DSCAM: variants seen among roughly 807,000 people sequenced by gnomAD.
DSCAM encodes cell adhesion molecule DSCAM.
Under a neutral mutation model 217.7 loss-of-function variants are expected in DSCAM, and 47 were observed. The ratio of observed to expected loss-of-function variants is 0.22; its 90% confidence interval spans 0.17 to 0.28. DSCAM has a LOEUF of 0.28. Among genes scored for constraint, DSCAM ranks in the 10% least tolerant of loss-of-function variants. The probability of loss-of-function intolerance (pLI) is 1.00; values close to 1 mark genes in which losing one functional copy is unlikely to be tolerated. For missense variants in DSCAM, 2,080 were observed against 2,618.3 expected, an observed-to-expected ratio of 0.79 and a Z score of 4.49; for synonymous variants, 1,056 against 1,015.3, an observed-to-expected ratio of 1.04 and a Z score of -0.76.
chr21:40,463,055 G>A (rs2145952270), intron 3 of DSCAM, among the ~76,000 whole-genome samples: 1 of 152,038 alleles, frequency 6.6e-6, no homozygotes, highest in South Asian at 2.1e-4. Context: ...GGAGTGCTAG[G>A]TTGAACCATC....
chr21:40,356,727 G>GA (rs1205221910), intron 4 of DSCAM, among the ~76,000 whole-genome samples: 6 of 152,274 alleles, frequency 3.9e-5, no homozygotes, highest in Admixed American at 6.5e-5. Context: ...GGTCCCTTGT[G>GA]AAACTGAAGC....
chr21:40,212,808 C>T (rs939699281), intron 11 of DSCAM, among the ~76,000 whole-genome samples: 1 of 152,156 alleles, frequency 6.6e-6, no homozygotes, highest in African/African-American at 2.4e-5. Flanking sequence ...TAGATAAGGT[C>T]ATCCTTCATT....
intron 3 of DSCAM, among the ~76,000 whole-genome samples, chr21:40,621,737 A>G (rs894403781): frequency 6.6e-6 from 1 of 151,990 alleles, no homozygotes; most frequent in African/African-American, 2.4e-5. Flanking sequence ...TCGTAAATTT[A>G]TTTAGAGGCC....
At chr21:40,501,889 G>A (rs1232869758) in intron 3 of DSCAM, among the ~76,000 whole-genome samples, 6 of 152,072 alleles carry the variant, frequency 3.9e-5, no homozygotes, top group Non-Finnish European at 7.4e-5. Flanking sequence ...CCACAGCGCC[G>A]GCTAATGGAT....
intron 1 of DSCAM, among the ~76,000 whole-genome samples, chr21:40,833,438 G>A (rs1264899512): frequency 1.3e-5 from 2 of 152,122 alleles, no homozygotes; most frequent in Non-Finnish European, 2.9e-5. Context: ...TCAGGCACAG[G>A]GCAACCAGGC....
chr21:40,410,283 C>A lies in DSCAM; in HGVS notation c.509-41038G>T, dbSNP rs1219090869. On this transcript the variant is annotated intron_variant, in intron 3 of 32. Transcript: ENST00000400454. ...AAGAAATCATCTGTGAACTCATAAA[C>A]AACAATAGAAACTACACAAAATGAA... is the stretch of plus-strand genomic sequence containing the variant. 4.0e-5 allele frequency among the ~76,000 whole-genome samples: 6 copies of A among 151,760 alleles called. 1 individual carries two copies. The South Asian group carries it at 1.3e-3, about 32-fold the overall frequency.
intron 9 of DSCAM, among the ~76,000 whole-genome samples, chr21:40,304,927 A>ACAT (rs1372142679): frequency 6.6e-6 from 1 of 152,182 alleles, no homozygotes; most frequent in East Asian, 1.9e-4. Context: ...ACCATAACAG[A>ACAT]CATAATAATA....
At chr21:40,292,072 T>A (rs1407456986) in intron 10 of DSCAM, among the ~76,000 whole-genome samples, 8 of 147,102 alleles carry the variant, frequency 5.4e-5, no homozygotes, top group Admixed American at 2.0e-4. Flanking sequence ...TTTTTTTTTT[T>A]AAATCTCTTT....
At chr21:40,449,850 T>C (rs2075704753) in intron 3 of DSCAM, among the ~76,000 whole-genome samples, 1 of 152,238 alleles carries the variant, frequency 6.6e-6, no homozygotes, top group South Asian at 2.1e-4. Context: ...ATTACATTAA[T>C]ATATTTGATT....
Position 40,085,594 on chromosome 21 carries a change from T to C in DSCAM, c.4132+8A>G, listed in dbSNP as rs750841804. ...GATATCATTAAAAAGAGTCCTCAAA[T>C]GTTGTACCTTGTACTTGTAAGTTTA... On this transcript the variant is annotated splice_region_variant and intron_variant, in intron 23 of 32. Coordinates refer to ENST00000400454, the MANE Select transcript of DSCAM (RefSeq NM_001389.5). 7 of 1,515,618 alleles carry C rather than the reference T, an allele frequency of 4.6e-6. No homozygotes were observed. In the East Asian group the frequency reaches 1.4e-4, roughly 30 times the overall value. The allele number at this position is 1,515,618 out of a possible 1,614,324, so 93.9% of individuals were successfully genotyped here. A position where few individuals can be genotyped will look rare whatever the true frequency, so the allele number is the denominator to read the frequency against.
At chr21:40,508,756 TATATATATATATATATATATATA>T (rs1568862884) in intron 3 of DSCAM, among the ~76,000 whole-genome samples, 947 of 42,428 alleles carry the variant, frequency 0.022, 113 homozygotes, top group Middle Eastern at 0.036. Context: ...TATATATATA[TATATATATATATATATATATATA>T]TATATTTTTT....
intron 11 of DSCAM, among the ~76,000 whole-genome samples, chr21:40,272,260 C>G (rs905559230): frequency 6.6e-6 from 1 of 152,090 alleles, no homozygotes; most frequent in African/African-American, 2.4e-5. Context: ...TTCTGCCAAG[C>G]CTCCTAATCG....
intron 1 of DSCAM, among the ~76,000 whole-genome samples, chr21:40,754,090 C>T (rs1460342850): frequency 6.6e-6 from 1 of 152,182 alleles, no homozygotes; most frequent in African/African-American, 2.4e-5. Flanking sequence ...GCCATCAGGC[C>T]AGAGCCTCTT....
intron 3 of DSCAM, among the ~76,000 whole-genome samples, chr21:40,692,045 T>C (rs962257660): frequency 5.9e-5 from 9 of 152,260 alleles, no homozygotes; most frequent in Non-Finnish European, 1.2e-4. Context: ...AAGGCAACTA[T>C]TTATAATCCA....
chr21:40,052,895 G>T (rs1237685963), intron 29 of DSCAM, among the ~76,000 whole-genome samples: 4 of 152,086 alleles, frequency 2.6e-5, no homozygotes, highest in African/African-American at 9.7e-5. Flanking sequence ...ATTATTTGGT[G>T]GGCCAGGATT....
At chr21:40,577,888 A>G (rs1355298082) in intron 3 of DSCAM, among the ~76,000 whole-genome samples, 1 of 152,160 alleles carries the variant, frequency 6.6e-6, no homozygotes, top group Non-Finnish European at 1.5e-5. Flanking sequence ...TCGCCACAGT[A>G]TCTTATCAGT....
intron 11 of DSCAM, among the ~76,000 whole-genome samples, chr21:40,227,860 A>G (rs1331012013): frequency 1.3e-5 from 2 of 152,200 alleles, no homozygotes; most frequent in Non-Finnish European, 2.9e-5. Flanking sequence ...CTAAGTGCAT[A>G]CATTGTTCAG....
chr21:40,524,803 G>C (rs1025213914), intron 3 of DSCAM, among the ~76,000 whole-genome samples: 4 of 152,002 alleles, frequency 2.6e-5, no homozygotes, highest in African/African-American at 9.7e-5. Flanking sequence ...GAGGTCAGGA[G>C]TTCAAGACAA....
intron 3 of DSCAM, among the ~76,000 whole-genome samples, chr21:40,521,401 C>T (rs919721632): frequency 1.3e-5 from 2 of 152,190 alleles, no homozygotes; most frequent in African/African-American, 4.8e-5. Context: ...CCTTTCTCCA[C>T]ATCCTCAGCA....
Sources: gnomAD v4.1 joint callset for allele counts (sites outside exome capture counted in the v4.1 genomes callset) on GRCh38, gnomAD v4.1.1 for gene constraint, MANE v1.5 for transcripts, NCBI Gene and HGNC (gene_info 2026-07-23, HGNC 2026-07-21) for gene names.